The following PRKN variants were observed in gnomAD, a reference collection of about 807,000 sequenced individuals.
PRKN encodes the protein E3 ubiquitin-protein ligase parkin.
Under a neutral mutation model 59.5 loss-of-function variants are expected in PRKN, and 56 were observed. The ratio of observed to expected loss-of-function variants is 0.94; its 90% CI spans 0.76 to 1.18. The LOEUF (loss-of-function observed/expected upper bound fraction) is 1.18. PRKN is among the 50% of genes most tolerant of loss of function. PRKN has a pLI of 0.00. For missense variants in PRKN, 657 were observed against 596.4 expected, an observed-to-expected ratio of 1.10 and a Z score of -1.06; for synonymous variants, 250 against 222.1, an observed-to-expected ratio of 1.13 and a Z score of -1.12.
At chr6:162,066,550 T>C (rs1470032971) in intron 4 of PRKN, among the ~76,000 whole-genome samples, 1 of 152,148 alleles carries the variant, frequency 6.6e-6, no homozygotes, top group Non-Finnish European at 1.5e-5. Context: ...AATGGATCAA[T>C]ACCCCTAAGA....
intron 1 of PRKN, among the ~76,000 whole-genome samples, chr6:162,488,585 G>A (rs1445099279): frequency 6.6e-6 from 1 of 152,284 alleles, no homozygotes; most frequent in South Asian, 2.1e-4. Context: ...AGGTGGTGGG[G>A]TCAGACAGCC....
At chr6:161,590,954 T>C (rs1334510904) in intron 7 of PRKN, among the ~76,000 whole-genome samples, 1 of 152,182 alleles carries the variant, frequency 6.6e-6, no homozygotes, top group African/African-American at 2.4e-5. Context: ...ATTAGGTATG[T>C]ACTGAGGATA....
intron 7 of PRKN, among the ~76,000 whole-genome samples, chr6:161,654,431 C>T (rs984618839): frequency 2.0e-5 from 3 of 152,098 alleles, no homozygotes; most frequent in Non-Finnish European, 4.4e-5. Context: ...ACAGCAAAGT[C>T]TCCAGCAGCC....
intron 2 of PRKN, among the ~76,000 whole-genome samples, chr6:162,394,590 C>T (rs576569387): frequency 2.6e-5 from 4 of 152,228 alleles, no homozygotes; most frequent in Non-Finnish European, 4.4e-5. Context: ...AAAGGCTTCC[C>T]GGTAGAAATT....
intron 3 of PRKN, among the ~76,000 whole-genome samples, chr6:162,226,528 TTTTG>T (rs571010953): frequency 3.9e-5 from 6 of 152,164 alleles, no homozygotes; most frequent in South Asian, 2.1e-4. Flanking sequence ...ACACCAAGAA[TTTTG>T]TTTGTTTGTT....
In PRKN at chr6:161,707,115, T is replaced by A. The variant is rs551252562; in HGVS notation, c.871+78657A>T. Among the ~76,000 whole-genome samples the A allele has an allele frequency of 3.9e-5, 6 of 152,300 alleles. No homozygotes were observed. The East Asian group carries it at 1.2e-3, about 29-fold the overall frequency. On this transcript the variant is annotated intron_variant, in intron 7 of 11. Transcript: ENST00000366898. ...GATTTGAAGCAATGCTAGTTCAGTT[T>A]AAAAAATATTGACTTCAACATTATA...
intron 1 of PRKN, among the ~76,000 whole-genome samples, chr6:162,610,391 A>T (rs547929807): frequency 6.6e-6 from 1 of 152,242 alleles, no homozygotes; most frequent in South Asian, 2.1e-4. Context: ...TTACTCGCTA[A>T]TAAGTTTATA....
At chr6:162,417,940 A>G (rs1788726283) in intron 2 of PRKN, among the ~76,000 whole-genome samples, 1 of 152,214 alleles carries the variant, frequency 6.6e-6, no homozygotes, top group African/African-American at 2.4e-5. Flanking sequence ...AGCATTTGGA[A>G]AACAGCCTGA....
At chr6:162,685,156 T>G (rs1011371753) in intron 1 of PRKN, among the ~76,000 whole-genome samples, 1 of 152,286 alleles carries the variant, frequency 6.6e-6, no homozygotes, top group African/African-American at 2.4e-5. Context: ...ATGTTGATGA[T>G]GAAACCTACT....
chr6:162,631,391 C>T (rs1562452795), intron 1 of PRKN, among the ~76,000 whole-genome samples: 1 of 152,098 alleles, frequency 6.6e-6, no homozygotes, highest in Non-Finnish European at 1.5e-5. Flanking sequence ...ACTAACTCTG[C>T]GTTCTGCCTG....
At chr6:162,531,135 G>A (rs1242888900) in intron 1 of PRKN, among the ~76,000 whole-genome samples, 1 of 151,488 alleles carries the variant, frequency 6.6e-6, no homozygotes, top group East Asian at 1.9e-4. Context: ...GGGAAACCGA[G>A]GTGGGTGGAT....
At chr6:162,201,362 C>T (rs1364263592) in intron 3 of PRKN, 110 bp from the exon 4 acceptor site, 14 of 898,484 alleles carry the variant, frequency 1.6e-5, no homozygotes, top group Non-Finnish European at 2.4e-5. Flanking sequence ...TCTTCAGGAA[C>T]ATTTTGAAAC....
Position 161,417,238 on chromosome 6 carries a change from T to A in PRKN, c.1084-30361A>T, listed in dbSNP as rs141349809. ...AGGCCGAGGCTGCCAAATCACGAGG[T>A]CAAGAGATCAAGACCATTCTGGTCA... On this transcript the variant is annotated intron_variant, in intron 9 of 11. Coordinates refer to ENST00000366898, the MANE Select transcript of PRKN (RefSeq NM_004562.3). The surrounding 1 kb of genome is among the most constrained non-coding windows in gnomAD (Gnocchi z 5.4). Among the ~76,000 whole-genome samples the A allele has an allele frequency of 2.4e-3, 361 of 152,088 alleles. 5 individuals carry two copies. Among genetic ancestry groups the A allele is most frequent in the African/African-American group, 8.5e-3 (351 of 41,466 alleles).
At chr6:161,902,549 T>TCTATCTATCTATCTATCTATCTA in intron 6 of PRKN, among the ~76,000 whole-genome samples, 1 of 97,000 alleles carries the variant, frequency 1.0e-5, no homozygotes, top group Non-Finnish European at 2.3e-5. Context: ...TATCTATCTA[T>TCTATCTATCTATCTATCTATCTA]TTATTTATTT....
chr6:161,517,950 A>G (rs545716521), intron 9 of PRKN, among the ~76,000 whole-genome samples: 265 of 152,304 alleles, frequency 1.7e-3, no homozygotes, highest in Non-Finnish European at 3.4e-3. Context: ...CTGTGTATCC[A>G]TAACTATTTC....
intron 6 of PRKN, among the ~76,000 whole-genome samples, chr6:161,786,423 T>G (rs1422072979): frequency 6.6e-6 from 1 of 152,154 alleles, no homozygotes; most frequent in African/African-American, 2.4e-5. Context: ...ACATTTTAAA[T>G]ATTTTTTTCC....
At chr6:162,059,298 C>T (rs151038457) in intron 4 of PRKN, among the ~76,000 whole-genome samples, 1,725 of 145,520 alleles carry the variant, frequency 0.012, 30 homozygotes, top group African/African-American at 0.043. Flanking sequence ...GAATGGAATT[C>T]TTTTGAATCT....
At chr6:162,125,854 T>G (rs1304004124) in intron 4 of PRKN, among the ~76,000 whole-genome samples, 1 of 152,146 alleles carries the variant, frequency 6.6e-6, no homozygotes, top group Non-Finnish European at 1.5e-5. Flanking sequence ...CTTGTCTAGG[T>G]TTGTGACTCC....
intron 2 of PRKN, among the ~76,000 whole-genome samples, chr6:162,350,088 C>T (rs1784563365): frequency 6.6e-6 from 1 of 151,990 alleles, no homozygotes; most frequent in Non-Finnish European, 1.5e-5. Flanking sequence ...TTAACACTAC[C>T]ATTTACCACA....
Sources: gnomAD v4.1 joint callset for allele counts (sites outside exome capture counted in the v4.1 genomes callset) on GRCh38, gnomAD v4.1.1 for gene constraint, Gnocchi (gnomAD v3.1) non-coding constraint, MANE v1.5 for transcripts, NCBI Gene and HGNC (gene_info 2026-07-23, HGNC 2026-07-21) for gene names.